Variants in TMEM63A observed in about 807,000 individuals in gnomAD.
The protein encoded by TMEM63A is transmembrane protein 63A.
Under a neutral mutation model 100.6 loss-of-function variants are expected in TMEM63A, and 76 were observed. The observed-to-expected ratio is 0.76, with a 90% CI of 0.63 to 0.91. The LOEUF (loss-of-function observed/expected upper bound fraction) is 0.91. Ranked by LOEUF, TMEM63A falls within the 40% of genes least tolerant of loss-of-function variation. TMEM63A has a pLI of 0.00. For missense variants in TMEM63A, 876 were observed against 1,008.8 expected (o/e 0.87, Z 1.78); for synonymous variants, 401 against 401.1 (o/e 1.00, Z 0.00).
chr1:225,859,454 G>T, intron 14 of TMEM63A, 105 bp from the exon 15 acceptor site: 1 of 1,421,828 alleles, frequency 7.0e-7, no homozygotes. Flanking sequence ...CTAGCCTGGG[G>T]GCAAGTTCTC....
At chr1:225,871,790 T>TCATC (rs1455191883) in intron 5 of TMEM63A, 197 bp downstream of exon 5, 3 of 552,470 alleles carry the variant, frequency 5.4e-6, no homozygotes, top group Admixed American at 7.0e-5. Context: ...GCCTGCAAAT[T>TCATC]CATCCAGTCT....
At position 225,853,647 on chromosome 1, in the gene TMEM63A, G is replaced by C. The variant is rs759219656; in HGVS notation, c.1779C>G (p.Asp593Glu). The C allele has an allele frequency of 3.6e-5, 57 of 1,569,212 alleles. No individual in the cohort carries two copies. The highest frequency in any genetic ancestry group is 4.8e-5 in the Non-Finnish European group (55 of 1,156,800). Residue 593 changes from aspartate (D) to glutamate (E), a missense_variant, in exon 19 of 25, where the codon GAC (aspartate) becomes GAG (glutamate). Asp to Glu is a conservative substitution (Grantham distance 45). Coordinates refer to ENST00000366835, the MANE Select transcript of TMEM63A (RefSeq NM_014698.3). The surrounding 1 kb of genome is among the most constrained non-coding windows in gnomAD (Gnocchi z 4.0). ...ATGGCACCTGCTTGACATTCCTGCGGTCAGCAGCCGTCTTGGCCATGATCA... is the reference window on the plus strand; with the variant it reads ...ATGGCACCTGCTTGACATTCCTGCGCTCAGCAGCCGTCTTGGCCATGATCA... ...FRMIMAKTAA[D>E]RRNVKQNQAF...
intron 20 of TMEM63A, 104 bp from the exon 21 acceptor site, chr1:225,850,183 G>A: frequency 7.3e-7 from 1 of 1,375,936 alleles, no homozygotes; most frequent in Non-Finnish European, 1.0e-6. Flanking sequence ...CCAGGGCTGG[G>A]GCTGCTGCTC....
At chr1:225,844,155 T>C (rs916290395), downstream of TMEM63A, among the ~76,000 whole-genome samples, 2 of 152,168 alleles carry the variant, frequency 1.3e-5, no homozygotes, top group Middle Eastern at 3.4e-3. Context: ...CTGCCTGGTA[T>C]GTGGTCACCA....
At chr1:225,873,325 C>A (rs1670613222) in intron 4 of TMEM63A, among the ~76,000 whole-genome samples, 1 of 152,192 alleles carries the variant, frequency 6.6e-6, no homozygotes, top group African/African-American at 2.4e-5. Flanking sequence ...GTCATCATCA[C>A]CTCAGGCTTT....
At chr1:225,871,320 G>A (rs1394602009) in intron 5 of TMEM63A, among the ~76,000 whole-genome samples, 2 of 152,160 alleles carry the variant, frequency 1.3e-5, no homozygotes, top group South Asian at 2.1e-4. Flanking sequence ...TGACAACTTC[G>A]TGGTCAAATC....
chr1:225,858,209 G>A lies in TMEM63A; in HGVS notation c.1377+987C>T, dbSNP rs565832431. 2.2e-4 allele frequency among the ~76,000 whole-genome samples: 34 copies of A among 152,130 alleles called. No homozygotes were observed. The South Asian group carries it at 7.1e-3, about 32-fold the overall frequency. Reference sequence around the variant, plus strand: ...GATGGTTTGGCAAAGCTAATCATGAGAAACCAATAGCTTTTTGAGTAGATG... The same window carrying A: ...GATGGTTTGGCAAAGCTAATCATGAAAAACCAATAGCTTTTTGAGTAGATG... On this transcript the variant is annotated intron_variant, in intron 15 of 24. Transcript: ENST00000366835.
In TMEM63A at chr1:225,865,695, G is replaced by A. The variant is rs1057498944; in HGVS notation, c.746+202C>T. 3.1e-5 allele frequency: 18 copies of A among 579,174 alleles called. No homozygotes were observed. The highest frequency in any genetic ancestry group is 4.7e-4 in the Middle Eastern group (1 of 2,130). The allele number at this position is 579,174 out of a possible 1,614,324, so 35.9% of individuals were successfully genotyped here. ...CTTGAAGAGGATAGGCCACCAGGGCGCTATTCACTGCACAGCACCAGCAGG... is the reference window on the plus strand; with the variant it reads ...CTTGAAGAGGATAGGCCACCAGGGCACTATTCACTGCACAGCACCAGCAGG... On this transcript the variant is annotated intron_variant, in intron 10 of 24. Transcript: ENST00000366835. The surrounding 1 kb of genome is among the most constrained non-coding windows in gnomAD (Gnocchi z 4.6).
chr1:225,848,413 G>A lies in TMEM63A; in HGVS notation c.2250+79C>T, dbSNP rs192083531. 2.4e-4 allele frequency: 344 copies of A among 1,453,028 alleles called. 1 individual carries two copies. Among genetic ancestry groups the A allele is most frequent in the Non-Finnish European group, 3.0e-4 (321 of 1,056,238 alleles). The allele number at this position is 1,453,028 out of a possible 1,614,324, so 90.0% of individuals were successfully genotyped here. A position where few individuals can be genotyped will look rare whatever the true frequency, so the allele number is the denominator to read the frequency against. The stretch of plus-strand genomic sequence containing the variant: ...AGCAAGAGATGATCAAAGATTTGCC[G>A]GGGCCCATCTGGTTGGGACTGTTAC... On this transcript the variant is annotated intron_variant, in intron 23 of 24. Coordinates refer to ENST00000366835, the MANE Select transcript of TMEM63A (RefSeq NM_014698.3).
chr1:225,881,655 C>T (rs949052281), intron 1 of TMEM63A, among the ~76,000 whole-genome samples: 8 of 152,192 alleles, frequency 5.3e-5, no homozygotes, highest in African/African-American at 1.9e-4. Flanking sequence ...CGCTGTCCAC[C>T]CCTGCCCTTG....
rs562381145 is a variant in TMEM63A at position 225,850,122 on chromosome 1, C to A, written c.1904-43G>T. ...GTGAGCTGGAGACCTCGCAGGGCCA[C>A]ACAGACACCTCTGTCCTCTTCCTCT... On this transcript the variant is annotated intron_variant, in intron 20 of 24. Coordinates refer to ENST00000366835, the MANE Select transcript of TMEM63A (RefSeq NM_014698.3). 8 of 1,607,834 alleles carry A rather than the reference C, an allele frequency of 5.0e-6. No individual in the cohort carries two copies. In the South Asian group the frequency reaches 8.8e-5, roughly 18 times the overall value.
Position 225,867,789 on chromosome 1 carries a change from G to T in TMEM63A, c.514+99C>A. ...GAGACCATCTTACATCTGAAGTGGGGCATGACTCCTGGGGTTCTGGTCTAC... is the reference window on the plus strand; with the variant it reads ...GAGACCATCTTACATCTGAAGTGGGTCATGACTCCTGGGGTTCTGGTCTAC... On this transcript the variant is annotated intron_variant, in intron 7 of 24. Transcript: ENST00000366835. The surrounding 1 kb of genome is among the most constrained non-coding windows in gnomAD (Gnocchi z 4.6). 6.8e-7 allele frequency: 1 copy of T among 1,464,820 alleles called. No homozygotes were observed. The highest frequency in any genetic ancestry group is 9.3e-7 in the Non-Finnish European group (1 of 1,074,912). The allele number at this position is 1,464,820 out of a possible 1,614,324, so 90.7% of individuals were successfully genotyped here.
Position 225,865,336 on chromosome 1 carries a change from C to G in TMEM63A, c.746+561G>C, listed in dbSNP as rs1670145560. 6.6e-6 allele frequency: 1 copy of G among 151,800 alleles called. No individual in the cohort carries two copies. 9.4% of individuals were successfully genotyped at this position (151,800 alleles called of 1,614,324 possible). A position where few individuals can be genotyped will look rare whatever the true frequency, so the allele number is the denominator to read the frequency against. On this transcript the variant is annotated intron_variant, in intron 10 of 24. Coordinates refer to ENST00000366835, the MANE Select transcript of TMEM63A (RefSeq NM_014698.3). This position sits in a 1 kb window ranked among gnomAD's most constrained non-coding sequence, Gnocchi z 4.6. ...CCTCACAGGAAAGACTTTCCTCCAG[C>G]CTCCATCTGCAGGAATTGGTGGTGC... is the stretch of plus-strand genomic sequence containing the variant.
chr1:225,859,421 TCA>T, intron 14 of TMEM63A, 72 bp from the exon 15 acceptor site: 1 of 1,584,174 alleles, frequency 6.3e-7, no homozygotes, highest in Non-Finnish European at 8.6e-7. Flanking sequence ...GGTCAGAAGG[TCA>T]GATTTAGGCA....
rs760892222 is a variant in TMEM63A, at chr1:225,847,155, T to C, written c.2309A>G (p.Gln770Arg). 2.5e-6 allele frequency: 4 copies of C among 1,613,454 alleles called. No individual in the cohort carries two copies. The highest frequency in any genetic ancestry group is 2.5e-6 in the Non-Finnish European group (3 of 1,180,010). ...ACCATAGGTCTGCTGCTGCTGCTGC[T>C]GCGGAGACAGTGCTGTCCTCTCCGA... is the stretch of plus-strand genomic sequence containing the variant. ...LASERTALSPQQQQQQTYGAI... is the reference protein window; with the variant it reads ...LASERTALSPRQQQQQTYGAI... The change falls in exon 24 of 25, where the codon CAG becomes CGG. Residue 770 changes from glutamine to arginine, a missense_variant. Coordinates refer to ENST00000366835, the MANE Select transcript of TMEM63A (RefSeq NM_014698.3).
rs1389698459 is a variant in TMEM63A, at chr1:225,877,421, G to C, written c.160C>G (p.Leu54Val). Residue 54 changes from leucine (L) to valine (V), a missense_variant, in exon 3 of 25, where the codon CTG (leucine) becomes GTG (valine). Leu to Val is a conservative substitution (Grantham distance 32). Coordinates refer to ENST00000366835, the MANE Select transcript of TMEM63A (RefSeq NM_014698.3). ...AGGAAGCAGCTGACGTCTATGAGCAGGACAGTGGGGATGCCACCAAAGGTG... is the reference window on the plus strand; with the variant it reads ...AGGAAGCAGCTGACGTCTATGAGCACGACAGTGGGGATGCCACCAAAGGTG... ...GVTFGGIPTVLLIDVSCFLFL... is the reference protein window; with the variant it reads ...GVTFGGIPTVVLIDVSCFLFL... The C allele has an allele frequency of 4.3e-6, 7 of 1,614,046 alleles. No homozygotes were observed. The Admixed American group carries it at 1.0e-4, about 23-fold the overall frequency.
At chr1:225,874,462 C>G in intron 3 of TMEM63A, 95 bp from the exon 4 acceptor site, 1 of 1,060,258 alleles carries the variant, frequency 9.4e-7, no homozygotes, top group Non-Finnish European at 1.4e-6. Context: ...TGCCCGCACT[C>G]AGCAGGGCTA....
At chr1:225,872,163 C>G (rs1670540788) in intron 4 of TMEM63A, 110 bp from the exon 5 acceptor site, 1 of 728,722 alleles carries the variant, frequency 1.4e-6, no homozygotes, top group Admixed American at 2.7e-5. Context: ...GAGCTCAGAA[C>G]CAAAGCTACC....
At chr1:225,878,895 C>CT (rs1670953434) in intron 2 of TMEM63A, among the ~76,000 whole-genome samples, 1 of 125,552 alleles carries the variant, frequency 8.0e-6, no homozygotes, top group African/African-American at 3.1e-5. Flanking sequence ...TACACACACA[C>CT]ACACACACAC....
Sources: gnomAD v4.1 joint callset for allele counts (sites outside exome capture counted in the v4.1 genomes callset) on GRCh38, gnomAD v4.1.1 for gene constraint, Gnocchi (gnomAD v3.1) non-coding constraint, MANE v1.5 for transcripts, NCBI Gene and HGNC (gene_info 2026-07-23, HGNC 2026-07-21) for gene names.